The following PPM1H variants were observed in gnomAD, a reference collection of about 807,000 sequenced individuals.
PPM1H encodes protein phosphatase 1H.
In PPM1H, 27 loss-of-function variants were observed where a neutral mutation model predicts 54.9. The ratio of observed to expected loss-of-function variants is 0.49; its 90% CI spans 0.36 to 0.68. PPM1H has a LOEUF of 0.68. PPM1H is among the 30% of genes least tolerant of loss of function. PPM1H has a pLI of 0.00. For synonymous variants in PPM1H, 305 were observed against 270.8 expected (o/e 1.13, Z -1.24); for missense variants, 596 against 667.8 (o/e 0.89, Z 1.19).
intron 2 of PPM1H, among the ~76,000 whole-genome samples, chr12:62,807,278 GT>G (rs1311463939): frequency 6.6e-6 from 1 of 152,172 alleles, no homozygotes; most frequent in Non-Finnish European, 1.5e-5. Flanking sequence ...ATCAATTTAT[GT>G]TTTTAAAAGA....
intron 4 of PPM1H, among the ~76,000 whole-genome samples, chr12:62,752,262 A>AT (rs1491172978): frequency 6.6e-6 from 1 of 152,226 alleles, no homozygotes; most frequent in East Asian, 1.9e-4. Flanking sequence ...TTAAACTCAC[A>AT]TATAAGAGTC....
At chr12:62,931,490 T>C (rs1434681350) in intron 1 of PPM1H, among the ~76,000 whole-genome samples, 2 of 152,150 alleles carry the variant, frequency 1.3e-5, no homozygotes, top group Non-Finnish European at 2.9e-5. Flanking sequence ...GAAGATAAAC[T>C]AACAGTTCAA....
chr12:62,833,138 T>A (rs781251380), intron 1 of PPM1H, among the ~76,000 whole-genome samples: 1 of 152,242 alleles, frequency 6.6e-6, no homozygotes, highest in Non-Finnish European at 1.5e-5. Context: ...GATCTGCCAC[T>A]GGCTGCGTTT....
chr12:62,775,517 A>G (rs1419724069), intron 4 of PPM1H, among the ~76,000 whole-genome samples: 1 of 152,286 alleles, frequency 6.6e-6, no homozygotes, highest in East Asian at 1.9e-4. Context: ...TTAAGGCCTT[A>G]CATAGATCCA....
chr12:62,662,532 A>G (rs2075890684), intron 9 of PPM1H, among the ~76,000 whole-genome samples: 1 of 152,194 alleles, frequency 6.6e-6, no homozygotes, highest in African/African-American at 2.4e-5. Context: ...ATTATCTATT[A>G]GGCACTTCAC....
At chr12:62,835,424 G>T (rs941573020) in intron 1 of PPM1H, among the ~76,000 whole-genome samples, 6 of 152,204 alleles carry the variant, frequency 3.9e-5, no homozygotes, top group African/African-American at 1.4e-4. Context: ...CAGCTCTTGG[G>T]TTGTTTTATT....
chr12:62,863,994 C>T (rs1357364986), intron 1 of PPM1H, among the ~76,000 whole-genome samples: 1 of 152,188 alleles, frequency 6.6e-6, no homozygotes, highest in African/African-American at 2.4e-5. Flanking sequence ...TCATTTTGCA[C>T]ATTTATCTGC....
In PPM1H at chr12:62,729,357, A is replaced by G. The variant is rs567741426; in HGVS notation, c.954+8145T>C. Among the ~76,000 whole-genome samples, 148 of 152,268 alleles carry G rather than the reference A, an allele frequency of 9.7e-4. 1 individual carries two copies. Among genetic ancestry groups the G allele is most frequent in the African/African-American group, 3.4e-3 (141 of 41,550 alleles). ...GCATTTGGAGGTAATCCTAGGAGAG[A>G]AGAGAGTGGGGCAGAGAGGAGGCAG... On this transcript the variant is annotated intron_variant, in intron 5 of 9. Transcript: ENST00000228705.
intron 2 of PPM1H, among the ~76,000 whole-genome samples, chr12:62,809,501 TCA>T (rs1406995892): frequency 6.6e-6 from 1 of 152,166 alleles, no homozygotes; most frequent in Non-Finnish European, 1.5e-5. Context: ...CTCCTCAATG[TCA>T]CATGAGCAGG....
intron 2 of PPM1H, among the ~76,000 whole-genome samples, chr12:62,819,595 G>A (rs760041689): frequency 3.9e-5 from 6 of 152,188 alleles, no homozygotes; most frequent in African/African-American, 7.2e-5. Flanking sequence ...CATTTCTTCA[G>A]GCTAAAATAC....
chr12:62,745,301 A>G (rs1336176023), intron 4 of PPM1H, among the ~76,000 whole-genome samples: 2 of 152,190 alleles, frequency 1.3e-5, no homozygotes, highest in African/African-American at 2.4e-5. Flanking sequence ...GGCTCAAGCA[A>G]TCCTCCCACC....
intron 4 of PPM1H, among the ~76,000 whole-genome samples, chr12:62,744,310 A>G (rs1163869491): frequency 6.6e-6 from 1 of 152,054 alleles, no homozygotes; most frequent in Non-Finnish European, 1.5e-5. Context: ...GTCTCTATTC[A>G]AAGTATAAAA....
chr12:62,930,167 A>G (rs1872089415), intron 1 of PPM1H, among the ~76,000 whole-genome samples: 1 of 152,224 alleles, frequency 6.6e-6, no homozygotes, highest in South Asian at 2.1e-4. Context: ...TGCAGAGTCC[A>G]AAACAAATCC....
chr12:62,711,332 C>G (rs1486012801), intron 6 of PPM1H, among the ~76,000 whole-genome samples: 1 of 152,146 alleles, frequency 6.6e-6, no homozygotes, highest in Non-Finnish European at 1.5e-5. Context: ...ATGGGGAAAC[C>G]AAGGCTGACA....
intron 4 of PPM1H, among the ~76,000 whole-genome samples, chr12:62,749,500 T>C (rs545581877): frequency 7.2e-5 from 11 of 152,260 alleles, no homozygotes; most frequent in African/African-American, 2.4e-4. Context: ...TAGAAACGCA[T>C]TGTTGGGAAA....
chr12:62,776,585 T>C (rs1449129800), intron 4 of PPM1H, among the ~76,000 whole-genome samples: 1 of 152,174 alleles, frequency 6.6e-6, no homozygotes, highest in Non-Finnish European at 1.5e-5. Flanking sequence ...TCATCTGTAA[T>C]CTGCATGGCA....
At chr12:62,859,136 T>G (rs1465322693) in intron 1 of PPM1H, among the ~76,000 whole-genome samples, 4 of 152,168 alleles carry the variant, frequency 2.6e-5, no homozygotes, top group African/African-American at 7.2e-5. Flanking sequence ...CAGCAGCAAA[T>G]GCTATCCCTG....
chr12:62,670,878 C>T (rs1416220358), intron 8 of PPM1H, among the ~76,000 whole-genome samples: 2 of 152,168 alleles, frequency 1.3e-5, no homozygotes, highest in African/African-American at 2.4e-5. Flanking sequence ...TGTTTCCTGC[C>T]CTTTAGCCAA....
chr12:62,777,230 G>A (rs904839627), intron 4 of PPM1H, among the ~76,000 whole-genome samples: 1 of 152,224 alleles, frequency 6.6e-6, no homozygotes, highest in Non-Finnish European at 1.5e-5. Context: ...GATTACAAAT[G>A]TGTGCCTTTA....
Sources: gnomAD v4.1 joint callset for allele counts (sites outside exome capture counted in the v4.1 genomes callset) on GRCh38, gnomAD v4.1.1 for gene constraint, MANE v1.5 for transcripts, NCBI Gene and HGNC (gene_info 2026-07-23, HGNC 2026-07-21) for gene names.